TBXAS1: variants seen among roughly 807,000 people sequenced by gnomAD.
TBXAS1 encodes the protein thromboxane A synthase 1, also known as thromboxane-A synthase.
Under a neutral mutation model 60.7 loss-of-function variants are expected in TBXAS1, and 48 were observed. The observed-to-expected ratio is 0.79, with a 90% CI of 0.63 to 1.01. The LOEUF is 1.01. Ranked by LOEUF, TBXAS1 falls within the 50% of genes least tolerant of loss-of-function variation. TBXAS1 has a pLI of 0.00. For missense variants in TBXAS1, 685 were observed against 686.3 expected, an observed-to-expected ratio of 1.00 and a Z score of 0.02; for synonymous variants, 287 against 269.7, an observed-to-expected ratio of 1.06 and a Z score of -0.63.
intron 5 of TBXAS1, among the ~76,000 whole-genome samples, chr7:139,949,400 T>C (rs946044579): frequency 6.6e-6 from 1 of 152,258 alleles, no homozygotes; most frequent in Non-Finnish European, 1.5e-5. Context: ...TTTAGGTTTA[T>C]GGGATTTTAT....
chr7:140,015,578 G>T, intron 10 of TBXAS1, 145 bp from the exon 11 acceptor site: 1 of 933,212 alleles, frequency 1.1e-6, no homozygotes, highest in Non-Finnish European at 1.7e-6. Flanking sequence ...GCTGAGCAGG[G>T]GGTCCTCTGT....
Position 139,936,321 on chromosome 7 carries a change from A to T in TBXAS1, c.450+14A>T. The T allele has an allele frequency of 6.2e-7, 1 of 1,611,200 alleles. No homozygotes were observed. The highest frequency in any genetic ancestry group is 8.5e-7 in the Non-Finnish European group (1 of 1,177,440). ...AAGCTGAACGAGGTAAGACATGAGAAATGCAAACTCTCTTCTCTTACGGAG... is the reference window on the plus strand; with the variant it reads ...AAGCTGAACGAGGTAAGACATGAGATATGCAAACTCTCTTCTCTTACGGAG... On this transcript the variant is annotated intron_variant, in intron 5 of 12. Transcript: ENST00000448866.
chr7:139,921,442 G>A (rs991856866), intron 4 of TBXAS1, among the ~76,000 whole-genome samples: 5 of 152,162 alleles, frequency 3.3e-5, no homozygotes, highest in African/African-American at 1.2e-4. Flanking sequence ...GCTCAGTCCT[G>A]TAATTTTGCA....
At chr7:139,961,861 G>T in intron 8 of TBXAS1, 58 bp from the exon 9 acceptor site, 1 of 1,602,126 alleles carries the variant, frequency 6.2e-7, no homozygotes. Flanking sequence ...TCTCCAGGAA[G>T]CCTCACTCTT....
chr7:139,908,264 C>T (rs181294194), intron 3 of TBXAS1, among the ~76,000 whole-genome samples: 56 of 151,932 alleles, frequency 3.7e-4, no homozygotes, highest in African/African-American at 1.3e-3. Context: ...AAGATCTTTC[C>T]TCTTTTCTAA....
At chr7:139,926,140 G>A (rs1336630459) in intron 4 of TBXAS1, among the ~76,000 whole-genome samples, 1 of 151,994 alleles carries the variant, frequency 6.6e-6, no homozygotes, top group Non-Finnish European at 1.5e-5. Context: ...GTCTGGTTTT[G>A]GTATTAGGGT....
intron 3 of TBXAS1, among the ~76,000 whole-genome samples, chr7:139,786,632 G>A (rs997603712): frequency 6.6e-6 from 1 of 151,916 alleles, no homozygotes. Context: ...GCCTATCTCT[G>A]GTGCCTTCTT....
rs371832987 is a variant in TBXAS1, at chr7:139,935,775, CA to C, written c.334-414del. The stretch of plus-strand genomic sequence containing the variant: ...CTGTCAACTTCGGGTCCAACCTAAC[CA>C]ATCCAGTCACACAAAACCCTGTGCC... On this transcript the variant is annotated intron_variant, in intron 4 of 12. Transcript: ENST00000448866. 5.1e-4 allele frequency among the ~76,000 whole-genome samples: 77 copies of C among 151,888 alleles called. No homozygotes were observed. The Middle Eastern group carries it at 0.024, about 47-fold the overall frequency.
chr7:139,849,081 C>A lies in TBXAS1; in HGVS notation c.89+19602C>A, dbSNP rs1356014518. On this transcript the variant is annotated intron_variant, in intron 1 of 12. Coordinates refer to ENST00000448866, the MANE Select transcript of TBXAS1 (RefSeq NM_001061.7). ...CAGTGACTCTCTGGGGGAAAAAAAA[C>A]AACAGGCCAGGCATGATGGCTTACA... Among the ~76,000 whole-genome samples, 9 of 152,074 alleles carry A rather than the reference C, an allele frequency of 5.9e-5. No homozygotes were observed. In the South Asian group the frequency reaches 1.7e-3, roughly 28 times the overall value.
At chr7:139,933,582 T>G (rs1584886695) in intron 4 of TBXAS1, among the ~76,000 whole-genome samples, 1 of 152,320 alleles carries the variant, frequency 6.6e-6, no homozygotes, top group African/African-American at 2.4e-5. Context: ...GAGGTATTCC[T>G]CTGCAGAAAA....
chr7:139,881,840 A>C (rs1209501848), intron 3 of TBXAS1, among the ~76,000 whole-genome samples: 1 of 152,208 alleles, frequency 6.6e-6, no homozygotes, highest in Non-Finnish European at 1.5e-5. Flanking sequence ...TATGCCTCCA[A>C]GTTGGAGGTT....
At chr7:139,984,640 G>GAGAGAA (rs1007635035) in intron 9 of TBXAS1, among the ~76,000 whole-genome samples, 2 of 99,860 alleles carry the variant, frequency 2.0e-5, no homozygotes, top group South Asian at 4.1e-4. Context: ...GAGAGAGAGA[G>GAGAGAA]AGAAAGAAAG....
At chr7:140,008,444 ATTCTTTTTT>A (rs1467006532) in intron 10 of TBXAS1, among the ~76,000 whole-genome samples, 1 of 120,654 alleles carries the variant, frequency 8.3e-6, no homozygotes, top group African/African-American at 3.0e-5. Flanking sequence ...TCTTTCTTTT[ATTCTTTTTT>A]TTTTTTTTTT....
chr7:139,953,108 G>A (rs1306135510), intron 5 of TBXAS1, among the ~76,000 whole-genome samples: 5 of 152,140 alleles, frequency 3.3e-5, no homozygotes, highest in Non-Finnish European at 7.4e-5. Flanking sequence ...TTATTTCACC[G>A]TATTCACTGT....
chr7:139,857,152 CAA>C (rs1241506016), intron 1 of TBXAS1, among the ~76,000 whole-genome samples: 1 of 152,154 alleles, frequency 6.6e-6, no homozygotes, highest in Non-Finnish European at 1.5e-5. Flanking sequence ...ACATCCTACT[CAA>C]GAGGCAAATT....
At chr7:139,833,872 A>G (rs1434837836) in intron 1 of TBXAS1, among the ~76,000 whole-genome samples, 1 of 152,222 alleles carries the variant, frequency 6.6e-6, no homozygotes. Flanking sequence ...GCAGATTTCA[A>G]TATTCCACCG....
chr7:139,990,276 G>A (rs1475280683), intron 9 of TBXAS1, among the ~76,000 whole-genome samples: 2 of 152,346 alleles, frequency 1.3e-5, no homozygotes, highest in Admixed American at 1.3e-4. Context: ...GGCGGTGGTG[G>A]CTGGCATCCA....
intron 3 of TBXAS1, among the ~76,000 whole-genome samples, chr7:139,892,184 G>A (rs1321421054): frequency 6.6e-6 from 1 of 152,166 alleles, no homozygotes; most frequent in Non-Finnish European, 1.5e-5. Context: ...AGGGTCAGCT[G>A]GCCGTACCAG....
chr7:139,947,539 A>C (rs1569517674), intron 5 of TBXAS1, among the ~76,000 whole-genome samples: 1 of 152,254 alleles, frequency 6.6e-6, no homozygotes, highest in Non-Finnish European at 1.5e-5. Context: ...TGTCCTGCAC[A>C]TGTATCCCAA....
Sources: gnomAD v4.1 joint callset for allele counts (sites outside exome capture counted in the v4.1 genomes callset) on GRCh38, gnomAD v4.1.1 for gene constraint, MANE v1.5 for transcripts, NCBI Gene and HGNC (gene_info 2026-07-23, HGNC 2026-07-21) for gene names.